Variants in AASDH observed in about 807,000 individuals in gnomAD.
AASDH encodes aminoadipate-semialdehyde dehydrogenase, also known as beta-alanine-activating enzyme.
Under a neutral mutation model 102.3 loss-of-function variants are expected in AASDH, and 81 were observed. That is an observed-to-expected ratio of 0.79 (90% confidence interval 0.66 to 0.95). The LOEUF is 0.95. AASDH is among the 40% of genes least tolerant of loss of function. The probability of loss-of-function intolerance (pLI) is 0.00; values close to 1 mark genes in which losing one functional copy is unlikely to be tolerated. For missense variants in AASDH, 1,203 were observed against 1,266.2 expected, an observed-to-expected ratio of 0.95 and a Z score of 0.76; for synonymous variants, 398 against 454.0, an observed-to-expected ratio of 0.88 and a Z score of 1.57.
At chr4:56,355,570 T>C in intron 5 of AASDH, 147 bp from the exon 6 acceptor site, 1 of 614,304 alleles carries the variant, frequency 1.6e-6, no homozygotes. Flanking sequence ...TTTGGAAAAC[T>C]ACTGGTGCAA....
intron 3 of AASDH, among the ~76,000 whole-genome samples, chr4:56,379,292 C>T (rs1752707428): frequency 6.6e-6 from 1 of 152,122 alleles, no homozygotes; most frequent in Non-Finnish European, 1.5e-5. Context: ...CACCAAAACA[C>T]CCAGCTAGCT....
chr4:56,347,080 G>C (rs1577966232), intron 11 of AASDH, among the ~76,000 whole-genome samples: 1 of 151,248 alleles, frequency 6.6e-6, no homozygotes, highest in African/African-American at 2.4e-5. Context: ...CTGGTCACTA[G>C]GGAAAGGCAA....
chr4:56,374,987 A>T (rs1752181450), intron 4 of AASDH, among the ~76,000 whole-genome samples: 1 of 152,226 alleles, frequency 6.6e-6, no homozygotes, highest in South Asian at 2.1e-4. Flanking sequence ...AATTTCAATA[A>T]AGGAAACCTA....
At chr4:56,366,516 T>C (rs1408684440) in intron 5 of AASDH, among the ~76,000 whole-genome samples, 1 of 152,170 alleles carries the variant, frequency 6.6e-6, no homozygotes, top group African/African-American at 2.4e-5. Context: ...AAAAAGCTTA[T>C]CCACCATGAT....
chr4:56,364,802 T>C (rs1488858191), intron 5 of AASDH, among the ~76,000 whole-genome samples: 1 of 152,174 alleles, frequency 6.6e-6, no homozygotes, highest in Non-Finnish European at 1.5e-5. Context: ...AGGAAGAAAC[T>C]GCATCAACTA....
intron 1 of AASDH, among the ~76,000 whole-genome samples, chr4:56,387,154 A>C (rs1753665269): frequency 6.6e-6 from 1 of 152,132 alleles, no homozygotes; most frequent in South Asian, 2.1e-4. Flanking sequence ...ATTTGAATGG[A>C]GGGGCGGAGG....
At chr4:56,356,335 C>T in intron 5 of AASDH, 1 of 1,554,614 alleles carries the variant, frequency 6.4e-7, no homozygotes, top group Non-Finnish European at 8.8e-7. Context: ...GGCAGAGAGC[C>T]ATCCCTCAAT....
At chr4:56,345,023 C>A in intron 12 of AASDH, 104 bp downstream of exon 12, 2 of 1,258,222 alleles carry the variant, frequency 1.6e-6, no homozygotes, top group Non-Finnish European at 2.2e-6. Context: ...CTCACTGCAA[C>A]CTCCACCTCC....
intron 10 of AASDH, among the ~76,000 whole-genome samples, chr4:56,350,397 T>C (rs954069538): frequency 5.9e-5 from 9 of 152,098 alleles, no homozygotes; most frequent in African/African-American, 2.2e-4. Context: ...GAGGTTGCAG[T>C]GAGCCAAGAT....
At chr4:56,356,809 A>C in intron 5 of AASDH, 1 of 765,496 alleles carries the variant, frequency 1.3e-6, no homozygotes, top group South Asian at 1.3e-5. Context: ...GACCAATTAC[A>C]ATGACAGATA....
chr4:56,338,353 A>C lies in AASDH; in HGVS notation c.*49T>G, dbSNP rs759283360. On this transcript the variant is annotated 3_prime_UTR_variant, in exon 15 of 15. Coordinates refer to ENST00000205214, the MANE Select transcript of AASDH (RefSeq NM_181806.4). ...AGTCCACATGATGTATAATGGTAAAATATTTTCAAATATCTCACATTTGTT... is the reference window on the plus strand; with the variant it reads ...AGTCCACATGATGTATAATGGTAAACTATTTTCAAATATCTCACATTTGTT... 3.2e-6 allele frequency: 5 copies of C among 1,566,934 alleles called. No individual in the cohort carries two copies. The African/African-American group carries it at 5.5e-5, about 17-fold the overall frequency.
rs1267552528 is a variant in AASDH, at chr4:56,371,612, A to T, written c.700T>A (p.Leu234Met). 1.2e-6 allele frequency: 2 copies of T among 1,608,416 alleles called. No homozygotes were observed. Among genetic ancestry groups the T allele is most frequent in the East Asian group, 4.5e-5 (2 of 44,812 alleles). Residue 234 changes from leucine (L) to methionine (M), a missense_variant, in exon 5 of 15, where the codon TTG becomes ATG. Coordinates refer to ENST00000205214, the MANE Select transcript of AASDH (RefSeq NM_181806.4). ...AAGGTCAGAGGTGAAGCCAGAAACAAAACATCTTCTTGTGTGATGTCAAAA... is the reference window on the plus strand; with the variant it reads ...AAGGTCAGAGGTGAAGCCAGAAACATAACATCTTCTTGTGTGATGTCAAAA... ...VLFDITQEDV[L>M]FLASPLTFDP...
chr4:56,378,211 G>A lies in AASDH; in HGVS notation c.605C>T (p.Thr202Ile). Residue 202 changes from threonine to isoleucine, a missense_variant, in exon 4 of 15, where the codon ACA becomes ATA. Coordinates refer to ENST00000205214, the MANE Select transcript of AASDH (RefSeq NM_181806.4). The stretch of plus-strand genomic sequence containing the variant: ...CACTCTGACAATCTTCGGTATCCCT[G>A]TAGTCCCTGATGTATGTAGAACATA... ...LAYVLHTSGTTGIPKIVRVPH... is the reference protein window; with the variant it reads ...LAYVLHTSGTIGIPKIVRVPH... 6.2e-7 allele frequency: 1 copy of A among 1,614,006 alleles called. No individual in the cohort carries two copies. Among genetic ancestry groups the A allele is most frequent in the Non-Finnish European group, 8.5e-7 (1 of 1,179,992 alleles).
At chr4:56,386,272 T>C (rs956699105) in intron 1 of AASDH, among the ~76,000 whole-genome samples, 1 of 152,226 alleles carries the variant, frequency 6.6e-6, no homozygotes, top group African/African-American at 2.4e-5. Flanking sequence ...GCTTAAATTA[T>C]GAGGAATGAG....
At chr4:56,356,314 C>A in intron 5 of AASDH, 1 of 1,381,906 alleles carries the variant, frequency 7.2e-7, no homozygotes, top group Non-Finnish European at 1.0e-6. Flanking sequence ...CCTGCTCTAT[C>A]AGGTTGCAGC....
chr4:56,363,414 C>T (rs931291180), intron 5 of AASDH, among the ~76,000 whole-genome samples: 1 of 152,234 alleles, frequency 6.6e-6, no homozygotes, highest in African/African-American at 2.4e-5. Context: ...TGAGAACGGG[C>T]AGACTGCCTC....
At chr4:56,341,057 G>GTA in intron 14 of AASDH, among the ~76,000 whole-genome samples, 1 of 152,318 alleles carries the variant, frequency 6.6e-6, no homozygotes, top group Admixed American at 6.5e-5. Flanking sequence ...TACACTGCTG[G>GTA]TGGGAATGTA....
At position 56,338,544 on chromosome 4, in the gene AASDH, G is replaced by GAT. The variant is rs775680075; in HGVS notation, c.3153_3154dup (p.Ser1052TyrfsTer57). 2 of 1,612,684 alleles carry GAT rather than the reference G, an allele frequency of 1.2e-6. No individual in the cohort carries two copies. Among genetic ancestry groups the GAT allele is most frequent in the Non-Finnish European group, 1.7e-6 (2 of 1,179,570 alleles). ...AACACTTTGCAATTGTCCACTCTGA[G>GAT]ATTCCAAGATCCACACTTTCCCATC... On this transcript the variant is annotated frameshift_variant, in exon 15 of 15. Transcript: ENST00000205214. LOFTEE classifies it high-confidence loss of function.
rs1442708706 is a variant in AASDH at position 56,350,052 on chromosome 4, G to C, written c.1699C>G (p.Leu567Val). The stretch of plus-strand genomic sequence containing the variant: ...CTCAAAAGATCTTCTGGGAGATTCA[G>C]AGTAGACTACAGATGAGAGAATAGA... The part of the protein sequence containing the change: ...EKLQYLWKST[L>V]NLPEDLLRVP... The change falls in exon 11 of 15, where the codon CTG (leucine) becomes GTG (valine). Residue 567 changes from leucine to valine, a missense_variant. Physicochemically the swap from Leu to Val is conservative, Grantham distance 32 (BLOSUM62 1). Coordinates refer to ENST00000205214, the MANE Select transcript of AASDH (RefSeq NM_181806.4). 4 of 1,586,434 alleles carry C rather than the reference G, an allele frequency of 2.5e-6. No homozygotes were observed. The highest frequency in any genetic ancestry group is 2.2e-5 in the East Asian group (1 of 44,820).
Sources: allele counts gnomAD v4.1 joint callset (sites outside exome capture counted in the v4.1 genomes callset), GRCh38; gene constraint gnomAD v4.1.1; transcripts MANE v1.5; gene names NCBI Gene and HGNC (gene_info 2026-07-23, HGNC 2026-07-21).